Variants in OTOGL observed in about 807,000 individuals in gnomAD.
OTOGL encodes otogelin like, also known as otogelin-like protein.
A neutral mutation model predicts 318.5 loss-of-function variants in OTOGL; 285 were observed. The ratio of observed to expected loss-of-function variants is 0.89; its 90% CI spans 0.81 to 0.99. The LOEUF is 0.99. Ranked by LOEUF, OTOGL falls within the 50% of genes least tolerant of loss-of-function variation. The probability of loss-of-function intolerance (pLI) is 0.00; values close to 1 mark genes in which losing one functional copy is unlikely to be tolerated. For synonymous variants in OTOGL, 987 were observed against 936.5 expected (o/e 1.05, Z -0.99); for missense variants, 2,899 against 2,845.6 (o/e 1.02, Z -0.43).
rs141453993 is a variant in OTOGL, at chr12:80,201,281, G to A, written c.-19-8132G>A. 1.1e-3 allele frequency among the ~76,000 whole-genome samples: 169 copies of A among 152,234 alleles called. 1 individual carries two copies. Among genetic ancestry groups the A allele is most frequent in the South Asian group, 6.4e-3 (31 of 4,822 alleles). ...TTTACAAAGAAAAGAGGCTTATTTC[G>A]CTCTTGGTTTTTCAGGCTGTACAAG... On this transcript the variant is annotated intron_variant, in intron 1 of 58. Transcript: ENST00000547103.
intron 26 of OTOGL, among the ~76,000 whole-genome samples, chr12:80,283,035 T>A (rs1241974313): frequency 6.6e-6 from 1 of 151,982 alleles, no homozygotes; most frequent in Non-Finnish European, 1.5e-5. Flanking sequence ...TGGACATCTG[T>A]TTGTGGTTCT....
intron 18 of OTOGL, among the ~76,000 whole-genome samples, chr12:80,258,630 TTATCATGCTAA>T (rs1882270328): frequency 6.6e-6 from 1 of 152,148 alleles, no homozygotes; most frequent in East Asian, 1.9e-4. Flanking sequence ...TGTGCACTTG[TTATCATGCTAA>T]AAGCACAATG....
At chr12:80,317,036 T>G (rs1050181074) in intron 32 of OTOGL, among the ~76,000 whole-genome samples, 1 of 152,188 alleles carries the variant, frequency 6.6e-6, no homozygotes, top group Non-Finnish European at 1.5e-5. Context: ...TGAGATTATT[T>G]CAATAATCTT....
chr12:80,311,204 A>G (rs1886613853), intron 30 of OTOGL, among the ~76,000 whole-genome samples: 1 of 152,226 alleles, frequency 6.6e-6, no homozygotes, highest in African/African-American at 2.4e-5. Flanking sequence ...TTAGGTCCCA[A>G]TAGAAGTTTA....
chr12:80,358,962 T>C, intron 52 of OTOGL, 62 bp downstream of exon 52: 2 of 1,274,452 alleles, frequency 1.6e-6, no homozygotes, highest in Non-Finnish European at 2.1e-6. Flanking sequence ...TCTTCCTTTA[T>C]CTCTCTCATT....
chr12:80,224,340 G>A (rs1464072502), intron 7 of OTOGL, among the ~76,000 whole-genome samples: 3 of 152,092 alleles, frequency 2.0e-5, no homozygotes, highest in Non-Finnish European at 4.4e-5. Context: ...ATAGTTTGAA[G>A]TCGGGTAATG....
At chr12:80,257,729 G>A in intron 17 of OTOGL, 96 bp from the exon 18 acceptor site, 2 of 1,153,970 alleles carry the variant, frequency 1.7e-6, no homozygotes, top group Non-Finnish European at 2.3e-6. Context: ...CTCCTTCCCT[G>A]GTATCTGGGG....
chr12:80,336,384 A>G (rs1026317093), intron 39 of OTOGL, 29 bp from the exon 40 acceptor site: 2 of 1,560,504 alleles, frequency 1.3e-6, no homozygotes, highest in Non-Finnish European at 8.6e-7. Context: ...TAGTTAATAG[A>G]CTAAATCCAC....
chr12:80,372,841 A>G (rs1320874957), intron 57 of OTOGL, among the ~76,000 whole-genome samples: 1 of 152,008 alleles, frequency 6.6e-6, no homozygotes, highest in African/African-American at 2.4e-5. Flanking sequence ...CGCATGCGCC[A>G]TCACGTCCGG....
chr12:80,323,723 A>G lies in OTOGL; in HGVS notation c.4082A>G (p.Glu1361Gly). ...CAATCTAAACTTTATTTTTTCCCAGAAATCCAGGCAGCAGTGCCTTACAGG... is the reference window on the plus strand; with the variant it reads ...CAATCTAAACTTTATTTTTTCCCAGGAATCCAGGCAGCAGTGCCTTACAGG... ...FKHSSSFSIEEIQAAVPYRKM... is the reference protein window; with the variant it reads ...FKHSSSFSIEGIQAAVPYRKM... Residue 1361 changes from glutamate to glycine, a missense_variant and splice_region_variant, in exon 35 of 59, where the codon GAA (glutamate) becomes GGA (glycine). By Grantham distance (98) the Glu-to-Gly change is moderately conservative. This residue lies in a region of OTOGL where 2,607 missense variants were observed against 2,524.9 expected (regional missense o/e 1.03). Transcript: ENST00000547103. 1 of 1,610,030 alleles carries G rather than the reference A, an allele frequency of 6.2e-7. No homozygotes were observed. The highest frequency in any genetic ancestry group is 8.5e-7 in the Non-Finnish European group (1 of 1,177,054).
chr12:80,106,376 T>G (rs1869454562), intron 1 of OTOGL, among the ~76,000 whole-genome samples: 1 of 152,142 alleles, frequency 6.6e-6, no homozygotes, highest in Admixed American at 6.6e-5. Context: ...TGGTAATCTG[T>G]TTTAGGGTTA....
At chr12:80,117,011 G>A (rs1225151361) in intron 1 of OTOGL, among the ~76,000 whole-genome samples, 1 of 152,188 alleles carries the variant, frequency 6.6e-6, no homozygotes, top group Non-Finnish European at 1.5e-5. Context: ...TAGGACAGGA[G>A]ATGCAAGGTG....
chr12:80,289,902 A>G (rs992295500), intron 26 of OTOGL, among the ~76,000 whole-genome samples: 1 of 152,046 alleles, frequency 6.6e-6, no homozygotes, highest in African/African-American at 2.4e-5. Context: ...CAGAGAAGTG[A>G]ACGGTTTTGT....
At chr12:80,109,371 G>T (rs1869689418) in intron 1 of OTOGL, among the ~76,000 whole-genome samples, 1 of 152,112 alleles carries the variant, frequency 6.6e-6, no homozygotes, top group Non-Finnish European at 1.5e-5. Flanking sequence ...CATTCGGGGA[G>T]AAATGTGGTT....
chr12:80,212,182 T>C (rs1248669889), intron 4 of OTOGL, among the ~76,000 whole-genome samples, 185 bp downstream of exon 4: 1 of 152,110 alleles, frequency 6.6e-6, no homozygotes, highest in Non-Finnish European at 1.5e-5. Context: ...CATGCTTAGG[T>C]CACATCGACT....
chr12:80,227,503 G>T (rs1878968041), intron 7 of OTOGL, among the ~76,000 whole-genome samples: 1 of 152,110 alleles, frequency 6.6e-6, no homozygotes, highest in Non-Finnish European at 1.5e-5. Flanking sequence ...AGAGAATAAG[G>T]CTCTAAAAGC....
intron 1 of OTOGL, among the ~76,000 whole-genome samples, chr12:80,150,191 G>A (rs1872697615): frequency 1.3e-5 from 2 of 152,118 alleles, no homozygotes; most frequent in Non-Finnish European, 2.9e-5. Context: ...CTGTTCCCTG[G>A]AAATCTCTCT....
Position 80,343,509 on chromosome 12 carries a change from G to GGTTTTTTTTTTTTTTTT in OTOGL, c.5265+1347_5265+1348insGTTTTTTTTTTTTTTTT. On this transcript the variant is annotated intron_variant, in intron 44 of 58. Transcript: ENST00000547103. The stretch of plus-strand genomic sequence containing the variant: ...TACATTTTTATTATTTTTTATTCTT[G>GGTTTTTTTTTTTTTTTT]TTTTTTTTTTTTTTTTTTTTTTTTT... 20 of 35,860 alleles carry GGTTTTTTTTTTTTTTTT rather than the reference G, an allele frequency of 5.6e-4. 4 individuals carry two copies. Among genetic ancestry groups the GGTTTTTTTTTTTTTTTT allele is most frequent in the Admixed American group, 7.4e-4 (2 of 2,706 alleles). 2.2% of individuals were successfully genotyped at this position (35,860 alleles called of 1,614,324 possible). A position where few individuals can be genotyped will look rare whatever the true frequency, so the allele number is the denominator to read the frequency against.
intron 18 of OTOGL, 126 bp from the exon 19 acceptor site, chr12:80,261,843 G>A: frequency 8.4e-7 from 1 of 1,192,414 alleles, no homozygotes; most frequent in Non-Finnish European, 1.1e-6. Flanking sequence ...TAAACTGGTA[G>A]AAAATTTCAA....
Sources: allele counts gnomAD v4.1 joint callset (sites outside exome capture counted in the v4.1 genomes callset), GRCh38; gene constraint gnomAD v4.1.1; regional missense constraint gnomAD v4.1.1; transcripts MANE v1.5; gene names NCBI Gene and HGNC (gene_info 2026-07-23, HGNC 2026-07-21).